Variants in MDH1B observed in about 807,000 individuals in gnomAD.
MDH1B encodes the protein putative malate dehydrogenase 1B.
MDH1B carries 60 observed loss-of-function variants against 61.4 expected under a neutral mutation model. That is an observed-to-expected ratio of 0.98 (90% CI 0.79 to 1.21). The LOEUF (loss-of-function observed/expected upper bound fraction) is 1.21, where lower values mean the gene tolerates loss of function less well. Among genes scored for constraint, MDH1B ranks in the 50% most tolerant of loss-of-function variants. The pLI is 0.00. For missense variants in MDH1B, 587 were observed against 632.1 expected, an observed-to-expected ratio of 0.93 and a Z score of 0.76; for synonymous variants, 236 against 218.7, an observed-to-expected ratio of 1.08 and a Z score of -0.70.
rs755045461 is a variant in MDH1B at position 206,755,106 on chromosome 2, A to G, written c.813T>C (p.Tyr271=). Residue 271 remains tyrosine, a synonymous_variant, in exon 5 of 12, where the codon TAT becomes TAC. Coordinates refer to ENST00000374412, the MANE Select transcript of MDH1B (RefSeq NM_001039845.3). The stretch of plus-strand genomic sequence containing the variant: ...TAATGTTGTGTGCAATGCGTGGGGC[A>G]TATCTCATGAGTAAAACTGTCTTCA... ...VNLKTVLLMR[Y]APRIAHNIIA... is the part of the protein sequence containing the mutation. The G allele has an allele frequency of 2.7e-5, 43 of 1,614,082 alleles. No homozygotes were observed. In the Admixed American group the frequency reaches 7.0e-4, roughly 26 times the overall value.
chr2:206,765,214 T>C, intron 1 of MDH1B, 36 bp downstream of exon 1: 11 of 1,598,110 alleles, frequency 6.9e-6, no homozygotes, highest in Non-Finnish European at 9.4e-6. Flanking sequence ...TGTCGGCGTT[T>C]TGAGCAATCT....
chr2:206,747,460 G>A (rs1315622764), intron 7 of MDH1B, among the ~76,000 whole-genome samples: 1 of 152,180 alleles, frequency 6.6e-6, no homozygotes, highest in African/African-American at 2.4e-5. Context: ...AAGGTTTTAA[G>A]TGCCTATTTC....
intron 6 of MDH1B, among the ~76,000 whole-genome samples, chr2:206,749,888 G>A (rs1338133695): frequency 1.3e-5 from 2 of 152,214 alleles, no homozygotes; most frequent in Non-Finnish European, 2.9e-5. Context: ...TTGGATTGGG[G>A]TGTTCAAGCT....
chr2:206,738,632 CATG>C (rs905285485), intron 11 of MDH1B, 121 bp from the exon 12 acceptor site: 2 of 622,334 alleles, frequency 3.2e-6, no homozygotes, highest in African/African-American at 3.8e-5. Context: ...TGAGAAAGTG[CATG>C]TGTGAGAGTG....
chr2:206,751,995 A>G (rs900602616), intron 5 of MDH1B, among the ~76,000 whole-genome samples: 9 of 152,146 alleles, frequency 5.9e-5, no homozygotes, highest in Non-Finnish European at 1.2e-4. Context: ...TATCCTACTG[A>G]CTTGTCTTAA....
At chr2:206,750,774 G>A (rs543763099) in intron 6 of MDH1B, among the ~76,000 whole-genome samples, 160 bp downstream of exon 6, 44 of 152,270 alleles carry the variant, frequency 2.9e-4, no homozygotes, top group African/African-American at 9.1e-4. Flanking sequence ...TTGATATTCT[G>A]TGGAATTTTC....
Position 206,765,282 on chromosome 2 carries a change from G to C in MDH1B, c.-11C>G. ...GACGAATTTGGCCATGGTCGAGAGA[G>C]ACTCAGAGGCAGGGACCGCGGCTTC... On this transcript the variant is annotated 5_prime_UTR_variant, in exon 1 of 12. Coordinates refer to ENST00000374412, the MANE Select transcript of MDH1B (RefSeq NM_001039845.3). The C allele has an allele frequency of 6.3e-7, 1 of 1,599,332 alleles. No homozygotes were observed. The highest frequency in any genetic ancestry group is 8.5e-7 in the Non-Finnish European group (1 of 1,175,242).
Position 206,765,278 on chromosome 2 carries a change from G to T in MDH1B, c.-7C>A. Reference sequence around the variant, plus strand: ...CGATGACGAATTTGGCCATGGTCGAGAGAGACTCAGAGGCAGGGACCGCGG... The same window carrying T: ...CGATGACGAATTTGGCCATGGTCGATAGAGACTCAGAGGCAGGGACCGCGG... On this transcript the variant is annotated 5_prime_UTR_variant, in exon 1 of 12. Transcript: ENST00000374412. 1 of 1,600,244 alleles carries T rather than the reference G, an allele frequency of 6.2e-7. No individual in the cohort carries two copies. The highest frequency in any genetic ancestry group is 1.1e-5 in the South Asian group (1 of 89,252).
chr2:206,756,585 C>T (rs891048119), intron 4 of MDH1B: 30 of 271,692 alleles, frequency 1.1e-4, no homozygotes, highest in African/African-American at 5.6e-4. Flanking sequence ...AGCTCTAGCA[C>T]GTGGGAAAGA....
At chr2:206,763,376 C>T (rs1417093594) in intron 1 of MDH1B, among the ~76,000 whole-genome samples, 1 of 151,936 alleles carries the variant, frequency 6.6e-6, no homozygotes, top group Non-Finnish European at 1.5e-5. Context: ...GATTCTGCCT[C>T]CCTAATATCT....
At chr2:206,754,596 GA>G (rs1315677228) in intron 5 of MDH1B, among the ~76,000 whole-genome samples, 1 of 152,148 alleles carries the variant, frequency 6.6e-6, no homozygotes, top group African/African-American at 2.4e-5. Flanking sequence ...TTTTACAGAT[GA>G]GGAAACTGAC....
intron 2 of MDH1B, among the ~76,000 whole-genome samples, chr2:206,758,775 C>A (rs11887015): frequency 0.39 from 59,204 of 150,374 alleles, 14,391 homozygotes; most frequent in East Asian, 0.76. Flanking sequence ...TCAAAACACA[C>A]ACACACAAAA....
At chr2:206,759,145 C>G (rs1289817123) in intron 2 of MDH1B, among the ~76,000 whole-genome samples, 1 of 152,066 alleles carries the variant, frequency 6.6e-6, no homozygotes, top group African/African-American at 2.4e-5. Flanking sequence ...ACCCTCCACC[C>G]TCCGATAGGC....
At chr2:206,741,000 T>A in intron 10 of MDH1B, 54 bp downstream of exon 10, 1 of 1,609,132 alleles carries the variant, frequency 6.2e-7, no homozygotes, top group African/African-American at 1.3e-5. Flanking sequence ...AACTGGACAA[T>A]ATGAGTCACG....
At chr2:206,760,867 T>C in intron 2 of MDH1B, 34 bp downstream of exon 2, 1 of 1,202,040 alleles carries the variant, frequency 8.3e-7, no homozygotes, top group East Asian at 2.3e-5. Flanking sequence ...ATTTTGTGCA[T>C]GAGTGAGTTC....
intron 7 of MDH1B, 71 bp downstream of exon 7, chr2:206,748,949 C>A: frequency 7.2e-7 from 1 of 1,389,240 alleles, no homozygotes; most frequent in South Asian, 1.3e-5. Context: ...TGGGTGGGGA[C>A]ACAGAATTAG....
At chr2:206,745,527 T>C in intron 9 of MDH1B, 95 bp downstream of exon 9, 1 of 919,984 alleles carries the variant, frequency 1.1e-6, no homozygotes. Flanking sequence ...AAAATATAAA[T>C]GAGAGTTATT....
chr2:206,741,019 C>T (rs1295471207), intron 10 of MDH1B, 35 bp downstream of exon 10: 1 of 1,612,302 alleles, frequency 6.2e-7, no homozygotes, highest in South Asian at 1.1e-5. Flanking sequence ...CGACTATTAG[C>T]AATATAGACA....
intron 7 of MDH1B, among the ~76,000 whole-genome samples, chr2:206,747,546 T>C (rs1688186234): frequency 6.8e-6 from 1 of 147,836 alleles, no homozygotes; most frequent in African/African-American, 2.6e-5. Flanking sequence ...TGAACAAGAT[T>C]GATTGAGTGT....
Sources: allele counts gnomAD v4.1 joint callset (sites outside exome capture counted in the v4.1 genomes callset), GRCh38; gene constraint gnomAD v4.1.1; transcripts MANE v1.5; gene names NCBI Gene and HGNC (gene_info 2026-07-23, HGNC 2026-07-21).